The following CYFIP1 variants were observed in gnomAD, a reference collection of about 807,000 sequenced individuals.
CYFIP1 encodes the protein cytoplasmic FMR1 interacting protein 1.
In CYFIP1, 58 loss-of-function variants were observed where a neutral mutation model predicts 163.5. That is an observed-to-expected ratio of 0.35 (90% CI 0.29 to 0.44). The LOEUF (loss-of-function observed/expected upper bound fraction) is 0.44. Among genes scored for constraint, CYFIP1 ranks in the 20% least tolerant of loss-of-function variants. The pLI is 1.00. For synonymous variants in CYFIP1, 663 were observed against 660.7 expected (o/e 1.00, Z -0.05); for missense variants, 1,338 against 1,653.8 (o/e 0.81, Z 3.31).
chr15:22,953,794 G>A (rs1367822038), intron 1 of CYFIP1, among the ~76,000 whole-genome samples: 3 of 152,206 alleles, frequency 2.0e-5, no homozygotes, highest in South Asian at 2.1e-4. Context: ...AGTGGCTCAC[G>A]CCTGTAATCC....
intron 1 of CYFIP1, among the ~76,000 whole-genome samples, chr15:22,975,223 T>G (rs1044162351): frequency 1.1e-4 from 16 of 152,130 alleles, no homozygotes; most frequent in Non-Finnish European, 2.9e-5. Context: ...GTTTTAACTT[T>G]TGGGAAGTCA....
At chr15:22,905,917 C>T (rs1279094016) in intron 21 of CYFIP1, among the ~76,000 whole-genome samples, 17 of 151,014 alleles carry the variant, frequency 1.1e-4, no homozygotes, top group Admixed American at 1.1e-3. Flanking sequence ...CCCGCCACCA[C>T]ACCCGGCTAA....
At chr15:22,870,837 G>C (rs147932230) in intron 30 of CYFIP1, among the ~76,000 whole-genome samples, 1 of 152,294 alleles carries the variant, frequency 6.6e-6, no homozygotes, top group Non-Finnish European at 1.5e-5. Context: ...ACAAGTTTTA[G>C]ACTTCCAGTT....
At chr15:22,906,732 T>C (rs1566952789) in intron 21 of CYFIP1, among the ~76,000 whole-genome samples, 1 of 152,182 alleles carries the variant, frequency 6.6e-6, no homozygotes, top group Non-Finnish European at 1.5e-5. Context: ...CCCAAAGTGC[T>C]GGGATTACAG....
At chr15:22,890,692 G>A (rs909491714) in intron 23 of CYFIP1, among the ~76,000 whole-genome samples, 1 of 147,982 alleles carries the variant, frequency 6.8e-6, no homozygotes, top group African/African-American at 2.5e-5. Context: ...TCGAGAACAC[G>A]AACAGAGACA....
chr15:22,979,047 C>T (rs980890122), intron 1 of CYFIP1, among the ~76,000 whole-genome samples: 1 of 152,176 alleles, frequency 6.6e-6, no homozygotes, highest in Non-Finnish European at 1.5e-5. Flanking sequence ...TTTCTTTGAG[C>T]GCAGCACAGA....
At chr15:22,958,576 T>C (rs1209186373) in intron 1 of CYFIP1, among the ~76,000 whole-genome samples, 1 of 152,168 alleles carries the variant, frequency 6.6e-6, no homozygotes, top group Non-Finnish European at 1.5e-5. Context: ...GCCCCCCACC[T>C]TGGGGCTGCA....
At chr15:22,957,942 C>A (rs56176814) in intron 1 of CYFIP1, among the ~76,000 whole-genome samples, 3 of 152,146 alleles carry the variant, frequency 2.0e-5, no homozygotes, top group Non-Finnish European at 4.4e-5. Flanking sequence ...CAGGGGACCG[C>A]GCCAGCATGG....
At chr15:22,943,038 T>C in intron 6 of CYFIP1, 135 bp downstream of exon 6, 1 of 781,574 alleles carries the variant, frequency 1.3e-6, no homozygotes. Flanking sequence ...CACACAGCCC[T>C]GACACTGAGA....
At chr15:22,926,918 G>C (rs2061374195) in intron 12 of CYFIP1, among the ~76,000 whole-genome samples, 1 of 152,194 alleles carries the variant, frequency 6.6e-6, no homozygotes, top group Non-Finnish European at 1.5e-5. Context: ...GACATCCCAA[G>C]CACACCAATT....
At chr15:22,975,699 C>T (rs8041987) in intron 1 of CYFIP1, among the ~76,000 whole-genome samples, 27,571 of 152,116 alleles carry the variant, frequency 0.18, 2,579 homozygotes, top group Non-Finnish European at 0.2. Flanking sequence ...GCAGAGGTTG[C>T]AGTGTGCCAA....
intron 27 of CYFIP1, 150 bp downstream of exon 27, chr15:22,875,049 G>C (rs1016816036): frequency 4.5e-6 from 3 of 660,348 alleles, no homozygotes; most frequent in Admixed American, 5.4e-5. Flanking sequence ...CATTTAACTA[G>C]GTTCTGTACA....
rs1156275100 is a variant in CYFIP1 at position 22,917,486 on chromosome 15, A to G, written c.1674+302T>C. ...TATACAGACATTCAAACACCCATCA[A>G]GAAACACAGAATGAATACAGACACG... On this transcript the variant is annotated intron_variant, in intron 15 of 30. Transcript: ENST00000617928. The surrounding 1 kb of genome is among the most constrained non-coding windows in gnomAD (Gnocchi z 4.2). 1.3e-5 allele frequency: 7 copies of G among 533,612 alleles called. No homozygotes were observed. Among genetic ancestry groups the G allele is most frequent in the Non-Finnish European group, 2.2e-5 (7 of 319,328 alleles). 33.1% of individuals were successfully genotyped at this position (533,612 alleles called of 1,614,324 possible). A position where few individuals can be genotyped will look rare whatever the true frequency, so the allele number is the denominator to read the frequency against.
chr15:22,939,159 C>A, intron 8 of CYFIP1, 33 bp downstream of exon 8: 1 of 1,613,570 alleles, frequency 6.2e-7, no homozygotes, highest in Non-Finnish European at 8.5e-7. Context: ...TGTCCCTCGG[C>A]AGTGCCACGG....
chr15:22,910,531 T>A lies in CYFIP1; in HGVS notation c.2257A>T (p.Arg753Trp), dbSNP rs1372162444. Residue 753 changes from arginine to tryptophan, a missense_variant, in exon 20 of 31, where the codon AGG becomes TGG. Transcript: ENST00000617928. ...CGGCCCCAGCTCACCTGCACATGCC[T>A]CTGCTTCAGCAGCGTCTCGTAGCGG... ...SNRYETLLKQ[R>W]HVQLLGRSID... 6.2e-6 allele frequency: 10 copies of A among 1,613,814 alleles called. No individual in the cohort carries two copies. The highest frequency in any genetic ancestry group is 8.5e-6 in the Non-Finnish European group (10 of 1,179,704).
chr15:22,952,719 C>T (rs1252715727), intron 1 of CYFIP1, among the ~76,000 whole-genome samples: 1 of 135,524 alleles, frequency 7.4e-6, no homozygotes, highest in African/African-American at 2.7e-5. Flanking sequence ...GCATATTTTA[C>T]TACAATCAAA....
At position 22,963,376 on chromosome 15, in the gene CYFIP1, G is replaced by C. The variant is rs575280787; in HGVS notation, c.-6-16085C>G. On this transcript the variant is annotated intron_variant, in intron 1 of 30. Coordinates refer to ENST00000617928, the MANE Select transcript of CYFIP1 (RefSeq NM_014608.6). The stretch of plus-strand genomic sequence containing the variant: ...GTGGTGGCAGATGCCTGTAGTCCCA[G>C]CTACTCAAGAGGCTGAGGCAGGAGA... Among the ~76,000 whole-genome samples, 359 of 152,204 alleles carry C rather than the reference G, an allele frequency of 2.4e-3. 7 individuals are homozygous for C. The highest frequency in any genetic ancestry group is 8.2e-3 in the African/African-American group (340 of 41,530).
chr15:22,908,234 C>T (rs753206576), intron 21 of CYFIP1, among the ~76,000 whole-genome samples: 6 of 152,134 alleles, frequency 3.9e-5, no homozygotes, highest in Non-Finnish European at 5.9e-5. Context: ...ACCACAGGAA[C>T]ATACCAGGAA....
intron 21 of CYFIP1, among the ~76,000 whole-genome samples, chr15:22,906,780 C>T (rs913731713): frequency 6.6e-6 from 1 of 152,182 alleles, no homozygotes; most frequent in African/African-American, 2.4e-5. Context: ...CTACTACTTT[C>T]TTCATTTCTT....
Sources: gnomAD v4.1 joint callset for allele counts (sites outside exome capture counted in the v4.1 genomes callset) on GRCh38, gnomAD v4.1.1 for gene constraint, Gnocchi (gnomAD v3.1) non-coding constraint, MANE v1.5 for transcripts, NCBI Gene and HGNC (gene_info 2026-07-23, HGNC 2026-07-21) for gene names.